The following SLC25A21 variants were observed in gnomAD, a reference collection of about 807,000 sequenced individuals.
SLC25A21 encodes mitochondrial 2-oxodicarboxylate carrier.
SLC25A21 carries 47 observed loss-of-function variants against 43.8 expected under a neutral mutation model. That is an observed-to-expected ratio of 1.07 (90% confidence interval 0.85 to 1.37). The LOEUF (loss-of-function observed/expected upper bound fraction) is 1.37, where lower values mean the gene tolerates loss of function less well. Ranked by LOEUF, SLC25A21 falls within the 40% of genes most tolerant of loss-of-function variation. The probability of loss-of-function intolerance (pLI) is 0.00; values close to 1 mark genes in which losing one functional copy is unlikely to be tolerated. For synonymous variants in SLC25A21, 131 were observed against 121.3 expected (o/e 1.08, Z -0.52); for missense variants, 352 against 350.2 (o/e 1.00, Z -0.04).
At chr14:36,815,168 G>A (rs1888411357) in intron 2 of SLC25A21, among the ~76,000 whole-genome samples, 1 of 152,102 alleles carries the variant, frequency 6.6e-6, no homozygotes, top group Admixed American at 6.6e-5. Context: ...AGGGCCAGTT[G>A]GCGGCTGTGG....
rs1270809374 is a variant in SLC25A21, at chr14:36,789,685, T to TCA, written c.203+24231_203+24232dup. Among the ~76,000 whole-genome samples, 2 of 137,912 alleles carry TCA rather than the reference T, an allele frequency of 1.5e-5. 1 individual carries two copies. The highest frequency in any genetic ancestry group is 3.0e-5 in the Non-Finnish European group (2 of 65,744). The allele number at this position is 137,912 out of a possible 152,430, so 90.5% of individuals were successfully genotyped here. A position where few individuals can be genotyped will look rare whatever the true frequency, so the allele number is the denominator to read the frequency against. On this transcript the variant is annotated intron_variant, in intron 3 of 9. Coordinates refer to ENST00000331299, the MANE Select transcript of SLC25A21 (RefSeq NM_030631.4). ...ATAAAAACTCATCTTGTTACTGTAATCACACACACACATATATATTTTATA... is the reference window on the plus strand; with the variant it reads ...ATAAAAACTCATCTTGTTACTGTAATCACACACACACACATATATATTTTATA...
chr14:37,061,378 T>C (rs1961945048), intron 1 of SLC25A21, among the ~76,000 whole-genome samples: 1 of 152,212 alleles, frequency 6.6e-6, no homozygotes, highest in Non-Finnish European at 1.5e-5. Flanking sequence ...GTAATGACTC[T>C]ACCTTGTCTC....
At chr14:37,129,435 C>G (rs1235592836) in intron 1 of SLC25A21, among the ~76,000 whole-genome samples, 2 of 151,998 alleles carry the variant, frequency 1.3e-5, no homozygotes, top group Non-Finnish European at 2.9e-5. Flanking sequence ...CATGATGTTC[C>G]CCCTTCAGCA....
intron 6 of SLC25A21, among the ~76,000 whole-genome samples, chr14:36,720,174 C>T (rs1460546748): frequency 6.6e-6 from 1 of 152,184 alleles, no homozygotes; most frequent in Non-Finnish European, 1.5e-5. Context: ...TTTGTTCCAT[C>T]GCTGTCTCTC....
intron 2 of SLC25A21, among the ~76,000 whole-genome samples, chr14:36,835,688 T>G (rs1889185939): frequency 4.6e-5 from 7 of 152,252 alleles, no homozygotes; most frequent in Admixed American, 6.5e-5. Flanking sequence ...TTAGCATTTG[T>G]GAAAATATAA....
intron 2 of SLC25A21, among the ~76,000 whole-genome samples, chr14:36,832,010 T>C (rs1361443233): frequency 1.3e-5 from 2 of 152,222 alleles, no homozygotes; most frequent in Non-Finnish European, 2.9e-5. Flanking sequence ...GTCATTTCCA[T>C]GCATGTGTCT....
At chr14:36,771,127 T>C (rs530173592) in intron 3 of SLC25A21, among the ~76,000 whole-genome samples, 2 of 152,346 alleles carry the variant, frequency 1.3e-5, no homozygotes, top group East Asian at 3.9e-4. Context: ...AGATCAACTT[T>C]TGTTATCTGA....
In SLC25A21 at chr14:37,047,171, T is replaced by C. The variant is rs531120729; in HGVS notation, c.70+125110A>G. ...AGACATGGGGCTAAGGAAACACACA[T>C]TGGTGGGGTTGTATTGATTCAAAAC... On this transcript the variant is annotated intron_variant, in intron 1 of 9. Transcript: ENST00000331299. 2.6e-5 allele frequency among the ~76,000 whole-genome samples: 4 copies of C among 152,224 alleles called. No homozygotes were observed. In the East Asian group the frequency reaches 5.8e-4, roughly 22 times the overall value.
rs575755859 is a variant in SLC25A21 at position 37,076,249 on chromosome 14, G to A, written c.70+96032C>T. ...AATCTCAGCTCACTGCAACCTCCACGTTCCGGGCTCAAGTGATTCTCCTGC... is the reference window on the plus strand; with the variant it reads ...AATCTCAGCTCACTGCAACCTCCACATTCCGGGCTCAAGTGATTCTCCTGC... On this transcript the variant is annotated intron_variant, in intron 1 of 9. Coordinates refer to ENST00000331299, the MANE Select transcript of SLC25A21 (RefSeq NM_030631.4). 9.3e-5 allele frequency among the ~76,000 whole-genome samples: 14 copies of A among 150,128 alleles called. No individual in the cohort carries two copies. The South Asian group carries it at 1.9e-3, about 20-fold the overall frequency.
At chr14:37,092,091 T>G (rs1407775704) in intron 1 of SLC25A21, among the ~76,000 whole-genome samples, 1 of 152,084 alleles carries the variant, frequency 6.6e-6, no homozygotes, top group African/African-American at 2.4e-5. Flanking sequence ...CGTGCCATTG[T>G]ACTCCAGCCT....
intron 1 of SLC25A21, among the ~76,000 whole-genome samples, chr14:37,134,932 T>C (rs1377709685): frequency 6.7e-6 from 1 of 149,058 alleles, no homozygotes; most frequent in African/African-American, 2.4e-5. Flanking sequence ...ATCTCTACTT[T>C]TTTTTTTTTT....
intron 1 of SLC25A21, among the ~76,000 whole-genome samples, chr14:37,141,922 AT>A: frequency 6.6e-6 from 1 of 152,310 alleles, no homozygotes; most frequent in Non-Finnish European, 1.5e-5. Flanking sequence ...GACGTAAAAA[AT>A]GCTGATTCCT....
chr14:37,167,052 AG>A (rs1237736499), intron 1 of SLC25A21, among the ~76,000 whole-genome samples: 8 of 152,218 alleles, frequency 5.3e-5, no homozygotes, highest in Non-Finnish European at 1.2e-4. Context: ...TCAGGAATAA[AG>A]GTGTAAAGTA....
At chr14:37,049,355 T>G (rs2138795254) in intron 1 of SLC25A21, among the ~76,000 whole-genome samples, 1 of 152,212 alleles carries the variant, frequency 6.6e-6, no homozygotes, top group Middle Eastern at 3.4e-3. Context: ...GAGGATGGCT[T>G]GAGCCCAGAG....
chr14:36,936,023 T>C (rs1471455563), intron 1 of SLC25A21, among the ~76,000 whole-genome samples: 2 of 37,800 alleles, frequency 5.3e-5, no homozygotes, highest in Non-Finnish European at 9.8e-5. Flanking sequence ...TATTCCACAT[T>C]TCCTTTAATT....
At chr14:36,976,875 C>T (rs575949071) in intron 1 of SLC25A21, among the ~76,000 whole-genome samples, 5 of 152,324 alleles carry the variant, frequency 3.3e-5, no homozygotes, top group Admixed American at 3.3e-4. Context: ...TCATCTTGTC[C>T]TGCCACTTGG....
chr14:36,785,846 A>G (rs551656844), intron 3 of SLC25A21, among the ~76,000 whole-genome samples: 22 of 152,338 alleles, frequency 1.4e-4, no homozygotes, highest in African/African-American at 5.3e-4. Flanking sequence ...TATTTATATT[A>G]CTAAGTCCCA....
chr14:36,833,383 G>C (rs1266591469), intron 2 of SLC25A21, among the ~76,000 whole-genome samples: 1 of 152,120 alleles, frequency 6.6e-6, no homozygotes, highest in Non-Finnish European at 1.5e-5. Flanking sequence ...CACAGAAAAG[G>C]GCCTTGTTAG....
At chr14:36,894,692 C>T (rs1199507090) in intron 1 of SLC25A21, among the ~76,000 whole-genome samples, 8 of 151,974 alleles carry the variant, frequency 5.3e-5, no homozygotes, top group Admixed American at 5.2e-4. Flanking sequence ...TAGATAGCTC[C>T]TATTATTTTG....
Sources: gnomAD v4.1 joint callset for allele counts (sites outside exome capture counted in the v4.1 genomes callset) on GRCh38, gnomAD v4.1.1 for gene constraint, MANE v1.5 for transcripts, NCBI Gene and HGNC (gene_info 2026-07-23, HGNC 2026-07-21) for gene names.